The following MGAT4C variants were observed in gnomAD, a reference collection of about 807,000 sequenced individuals.
The protein encoded by MGAT4C is MGAT4 family member C.
Under a neutral mutation model 40.1 loss-of-function variants are expected in MGAT4C, and 19 were observed. The ratio of observed to expected loss-of-function variants is 0.47; its 90% CI spans 0.33 to 0.70. MGAT4C has a LOEUF of 0.70. MGAT4C is among the 30% of genes least tolerant of loss of function. The pLI, the probability that MGAT4C is intolerant of heterozygous loss-of-function variation, is 0.02. For synonymous variants in MGAT4C, 181 were observed against 187.1 expected, an observed-to-expected ratio of 0.97 and a Z score of 0.27; for missense variants, 491 against 563.2, an observed-to-expected ratio of 0.87 and a Z score of 1.30.
At chr12:86,132,722 G>T (rs1452767270) in intron 1 of MGAT4C, among the ~76,000 whole-genome samples, 1 of 148,966 alleles carries the variant, frequency 6.7e-6, no homozygotes, top group East Asian at 2.0e-4. Flanking sequence ...AACCCTGGAG[G>T]CGGAGCTTGC....
intron 1 of MGAT4C, among the ~76,000 whole-genome samples, chr12:86,810,441 A>G (rs537359994): frequency 1.4e-4 from 21 of 152,018 alleles, no homozygotes; most frequent in African/African-American, 4.8e-4. Context: ...TCAGTCTTTC[A>G]CCATAAAGAA....
chr12:86,105,891 C>A (rs566004937), intron 1 of MGAT4C, among the ~76,000 whole-genome samples: 15 of 152,282 alleles, frequency 9.9e-5, no homozygotes, highest in Admixed American at 9.8e-4. Context: ...TTACAAATAT[C>A]TTCTATCACT....
chr12:86,531,679 T>C (rs899496956), intron 2 of MGAT4C, among the ~76,000 whole-genome samples: 1 of 152,036 alleles, frequency 6.6e-6, no homozygotes, highest in African/African-American at 2.4e-5. Flanking sequence ...TCAAGCCAGA[T>C]GCAATTTATT....
At chr12:86,667,123 A>G (rs554945260) in intron 2 of MGAT4C, among the ~76,000 whole-genome samples, 2 of 152,318 alleles carry the variant, frequency 1.3e-5, no homozygotes, top group African/African-American at 4.8e-5. Context: ...TATAGTCTAT[A>G]AAATATTCAT....
chr12:86,085,109 T>C (rs1226706387), intron 1 of MGAT4C, among the ~76,000 whole-genome samples: 1 of 152,072 alleles, frequency 6.6e-6, no homozygotes, highest in Non-Finnish European at 1.5e-5. Flanking sequence ...TTCTCTCATA[T>C]AGTTTATTTT....
chr12:86,175,282 G>A lies in MGAT4C; in HGVS notation c.-57+80957C>T, dbSNP rs569052770. Reference sequence around the variant, plus strand: ...AATAATTGCCTTAATAATATGACTGGTCTACTTAGTTTGCAAGGTTAGAAC... The same window carrying A: ...AATAATTGCCTTAATAATATGACTGATCTACTTAGTTTGCAAGGTTAGAAC... On this transcript the variant is annotated intron_variant, in intron 1 of 4. Coordinates refer to ENST00000611864, the MANE Select transcript of MGAT4C (RefSeq NM_001351288.2). 2.0e-5 allele frequency among the ~76,000 whole-genome samples: 3 copies of A among 152,120 alleles called. No homozygotes were observed. In the East Asian group the frequency reaches 5.8e-4, roughly 29 times the overall value.
intron 3 of MGAT4C, among the ~76,000 whole-genome samples, chr12:86,364,940 A>G (rs920874690): frequency 6.6e-6 from 1 of 152,170 alleles, no homozygotes; most frequent in Non-Finnish European, 1.5e-5. Flanking sequence ...TCAGGCATGC[A>G]TTGTCATTGA....
At chr12:86,335,220 T>C (rs967336579) in intron 3 of MGAT4C, among the ~76,000 whole-genome samples, 1 of 152,122 alleles carries the variant, frequency 6.6e-6, no homozygotes, top group African/African-American at 2.4e-5. Flanking sequence ...TTTCTGACTC[T>C]AGGCCCCTAA....
At chr12:86,740,788 T>G (rs1158411404) in intron 1 of MGAT4C, among the ~76,000 whole-genome samples, 3 of 151,248 alleles carry the variant, frequency 2.0e-5, no homozygotes, top group African/African-American at 7.3e-5. Context: ...ATACAAATGC[T>G]AGGGATTTGT....
intron 2 of MGAT4C, among the ~76,000 whole-genome samples, chr12:86,516,991 G>A (rs1958701825): frequency 6.6e-6 from 1 of 152,110 alleles, no homozygotes. Context: ...AAACCACAAT[G>A]AGATACCATT....
chr12:86,815,043 G>T (rs1952572980), intron 1 of MGAT4C, among the ~76,000 whole-genome samples: 1 of 151,898 alleles, frequency 6.6e-6, no homozygotes, highest in Non-Finnish European at 1.5e-5. Context: ...ACATTTCTAG[G>T]AACTTTCTGG....
intron 1 of MGAT4C, among the ~76,000 whole-genome samples, chr12:86,203,950 T>A (rs1593226911): frequency 7.6e-6 from 1 of 131,516 alleles, no homozygotes; most frequent in East Asian, 2.0e-4. Flanking sequence ...AGAGCGAAAC[T>A]TCGTCTCAAA....
At chr12:86,212,114 G>A (rs1310774416) in intron 1 of MGAT4C, among the ~76,000 whole-genome samples, 1 of 152,028 alleles carries the variant, frequency 6.6e-6, no homozygotes, top group Admixed American at 6.5e-5. Flanking sequence ...CTTTATGGCT[G>A]GTGTGGAGAT....
intron 1 of MGAT4C, among the ~76,000 whole-genome samples, chr12:86,802,300 T>C (rs1044732426): frequency 1.3e-5 from 2 of 151,972 alleles, no homozygotes; most frequent in African/African-American, 4.8e-5. Flanking sequence ...CAGTCTGTGA[T>C]TACTGAATGC....
intron 2 of MGAT4C, chr12:86,028,319 T>TA: frequency 2.3e-6 from 1 of 429,630 alleles, no homozygotes; most frequent in Non-Finnish European, 4.1e-6. Flanking sequence ...TCTGCTGACA[T>TA]ACGTTGAGCT....
At chr12:86,291,316 G>A (rs1050665926) in intron 4 of MGAT4C, among the ~76,000 whole-genome samples, 3 of 152,208 alleles carry the variant, frequency 2.0e-5, no homozygotes, top group Non-Finnish European at 4.4e-5. Flanking sequence ...TTGGACATGA[G>A]CATGAACATG....
chr12:86,386,878 A>G (rs1158000356), intron 3 of MGAT4C, among the ~76,000 whole-genome samples: 1 of 152,182 alleles, frequency 6.6e-6, no homozygotes, highest in Non-Finnish European at 1.5e-5. Context: ...AAATATATTC[A>G]TGCAAAGTTC....
chr12:86,153,469 C>T (rs1403320972), intron 1 of MGAT4C, among the ~76,000 whole-genome samples: 1 of 152,142 alleles, frequency 6.6e-6, no homozygotes, highest in African/African-American at 2.4e-5. Flanking sequence ...AAAACAGTTA[C>T]CTCTAAAATA....
chr12:86,667,032 G>A (rs1369886312), intron 2 of MGAT4C, among the ~76,000 whole-genome samples: 4 of 152,290 alleles, frequency 2.6e-5, no homozygotes, highest in Admixed American at 2.0e-4. Flanking sequence ...CATGTGACAT[G>A]CATAAATTGC....
Sources: gnomAD v4.1 joint callset for allele counts (sites outside exome capture counted in the v4.1 genomes callset) on GRCh38, gnomAD v4.1.1 for gene constraint, MANE v1.5 for transcripts, NCBI Gene and HGNC (gene_info 2026-07-23, HGNC 2026-07-21) for gene names.